Variants in KCNQ1OT1 observed in about 807,000 individuals in gnomAD.
KCNQ1OT1 encodes the protein KCNQ1 antisense RNA 2 (non-protein coding).
rs1441153947 is a variant in KCNQ1OT1 at position 2,676,179 on chromosome 11, T to C, written n.23816A>G. ...TTTTCTACACTTTGCCTTTGACTTC[T>C]TCCATAGGTATGCCATACTTCTTTT... On this transcript the variant is annotated non_coding_transcript_exon_variant, in exon 1 of 1. Coordinates refer to ENST00000597346, the Ensembl canonical transcript of KCNQ1OT1. This position sits in a 1 kb window ranked among gnomAD's most constrained non-coding sequence, Gnocchi z 4.2. The C allele has an allele frequency of 2.5e-6, 1 of 398,588 alleles. No individual in the cohort carries two copies. The highest frequency in any genetic ancestry group is 4.4e-6 in the Non-Finnish European group (1 of 226,080). 24.7% of individuals were successfully genotyped at this position (398,588 alleles called of 1,614,324 possible).
At chr11:2,632,894 C>A (rs1488890385) in exon 1 of KCNQ1OT1, 1 of 398,290 alleles carries the variant, frequency 2.5e-6, no homozygotes, top group African/African-American at 2.1e-5. Context: ...ATGCAAATAT[C>A]TTTTTTATAT....
rs1297771176 is a variant in KCNQ1OT1, at chr11:2,695,405, A to G, written n.4590T>C. 6 of 398,432 alleles carry G rather than the reference A, an allele frequency of 1.5e-5. No homozygotes were observed. In the East Asian group the frequency reaches 2.1e-4, roughly 14 times the overall value. The allele number at this position is 398,432 out of a possible 1,614,324, so 24.7% of individuals were successfully genotyped here. On this transcript the variant is annotated non_coding_transcript_exon_variant, in exon 1 of 1. Transcript: ENST00000597346. The surrounding 1 kb of genome is among the most constrained non-coding windows in gnomAD (Gnocchi z 5.2). ...TGGTGTGTAATTTTAATTTAAATAC[A>G]CAGTCATGTACTGAGGCCCTCTTTC... is the stretch of plus-strand genomic sequence containing the variant.
rs1450996831 is a variant in KCNQ1OT1 at position 2,642,882 on chromosome 11, G to A, written n.57113C>T. The A allele has an allele frequency of 7.5e-6, 3 of 397,616 alleles. No individual in the cohort carries two copies. Among genetic ancestry groups the A allele is most frequent in the Non-Finnish European group, 1.3e-5 (3 of 225,618 alleles). The allele number at this position is 397,616 out of a possible 1,614,324, so 24.6% of individuals were successfully genotyped here. A position where few individuals can be genotyped will look rare whatever the true frequency, so the allele number is the denominator to read the frequency against. ...TGTGCTTCTATTTTCACTTGTTTCAGTAAATTTTTTATTTCTGCCTTAATT... is the reference window on the plus strand; with the variant it reads ...TGTGCTTCTATTTTCACTTGTTTCAATAAATTTTTTATTTCTGCCTTAATT... On this transcript the variant is annotated non_coding_transcript_exon_variant, in exon 1 of 1. Coordinates refer to ENST00000597346, the Ensembl canonical transcript of KCNQ1OT1. This position sits in a 1 kb window ranked among gnomAD's most constrained non-coding sequence, Gnocchi z 4.3.
At chr11:2,646,762 C>T (rs934922012) in exon 1 of KCNQ1OT1, 14 of 398,468 alleles carry the variant, frequency 3.5e-5, no homozygotes, top group South Asian at 2.5e-4. Context: ...GCAATCCACC[C>T]GCCTCATCCT....
chr11:2,666,741 CCAGG>C, exon 1 of KCNQ1OT1: 2 of 398,820 alleles, frequency 5.0e-6, no homozygotes, highest in Admixed American at 8.8e-5. Context: ...CCCCAGGGTA[CCAGG>C]CACTGCAGCT....
Position 2,617,462 on chromosome 11 carries a change from T to C in KCNQ1OT1, n.82533A>G, listed in dbSNP as rs1392007574. ...AGACATACACACCACAGTTTAGTCA[T>C]CCATCAATGGACACGTAAGTTTTCA... is the stretch of plus-strand genomic sequence containing the variant. On this transcript the variant is annotated non_coding_transcript_exon_variant, in exon 1 of 1. Coordinates refer to ENST00000597346, the Ensembl canonical transcript of KCNQ1OT1. This position sits in a 1 kb window ranked among gnomAD's most constrained non-coding sequence, Gnocchi z 4.6. 7.5e-6 allele frequency: 3 copies of C among 398,340 alleles called. No individual in the cohort carries two copies. The highest frequency in any genetic ancestry group is 4.1e-5 in the African/African-American group (2 of 48,608). 24.7% of individuals were successfully genotyped at this position (398,340 alleles called of 1,614,324 possible). A position where few individuals can be genotyped will look rare whatever the true frequency, so the allele number is the denominator to read the frequency against.
Position 2,608,690 on chromosome 11 carries a change from C to T in KCNQ1OT1, n.91305G>A. The T allele has an allele frequency of 5.2e-6, 2 of 381,054 alleles. No homozygotes were observed. Among genetic ancestry groups the T allele is most frequent in the Non-Finnish European group, 8.9e-6 (2 of 225,694 alleles). 23.6% of individuals were successfully genotyped at this position (381,054 alleles called of 1,614,324 possible). A position where few individuals can be genotyped will look rare whatever the true frequency, so the allele number is the denominator to read the frequency against. On this transcript the variant is annotated non_coding_transcript_exon_variant, in exon 1 of 1. Coordinates refer to ENST00000597346, the Ensembl canonical transcript of KCNQ1OT1. The surrounding 1 kb of genome is among the most constrained non-coding windows in gnomAD (Gnocchi z 4.6). ...TGTTGTGCATGCTATTCTTGAACTC[C>T]TGGCCACAAGCAATTCTCGAACTCC... is the stretch of plus-strand genomic sequence containing the variant.
At chr11:2,650,282 G>A in exon 1 of KCNQ1OT1, 1 of 398,488 alleles carries the variant, frequency 2.5e-6, no homozygotes, top group Non-Finnish European at 4.4e-6. Flanking sequence ...TATTATTGGA[G>A]AATTATTGTG....
At chr11:2,672,336 T>C (rs1590022337) in exon 1 of KCNQ1OT1, 1 of 398,536 alleles carries the variant, frequency 2.5e-6, no homozygotes. Flanking sequence ...GTGTGGTGGG[T>C]GCAGAAGCAG....
rs1242182961 is a variant in KCNQ1OT1 at position 2,663,770 on chromosome 11, C to T, written n.36225G>A. 2.5e-6 allele frequency: 1 copy of T among 398,568 alleles called. No individual in the cohort carries two copies. The highest frequency in any genetic ancestry group is 4.4e-6 in the Non-Finnish European group (1 of 226,114). 24.7% of individuals were successfully genotyped at this position (398,568 alleles called of 1,614,324 possible). A position where few individuals can be genotyped will look rare whatever the true frequency, so the allele number is the denominator to read the frequency against. ...ACCAGGCACTTATGTGGATCACAGC[C>T]AAACTTGCAGCTGCCCAGTAAATCA... is the stretch of plus-strand genomic sequence containing the variant. On this transcript the variant is annotated non_coding_transcript_exon_variant, in exon 1 of 1. Coordinates refer to ENST00000597346, the Ensembl canonical transcript of KCNQ1OT1. This position sits in a 1 kb window ranked among gnomAD's most constrained non-coding sequence, Gnocchi z 5.2.
At position 2,652,107 on chromosome 11, in the gene KCNQ1OT1, G is replaced by C; in HGVS notation, n.47888C>G. 1 of 398,698 alleles carries C rather than the reference G, an allele frequency of 2.5e-6. No homozygotes were observed. The highest frequency in any genetic ancestry group is 4.4e-6 in the Non-Finnish European group (1 of 226,138). 24.7% of individuals were successfully genotyped at this position (398,698 alleles called of 1,614,324 possible). Reference sequence around the variant, plus strand: ...GCCTCTCGGCCCCAGTTCTGGCCTGGCTGGGAGGTGGCCTGGGAAGGGACC... The same window carrying C: ...GCCTCTCGGCCCCAGTTCTGGCCTGCCTGGGAGGTGGCCTGGGAAGGGACC... On this transcript the variant is annotated non_coding_transcript_exon_variant, in exon 1 of 1. Transcript: ENST00000597346. This position sits in a 1 kb window ranked among gnomAD's most constrained non-coding sequence, Gnocchi z 5.9.
chr11:2,693,014 T>C (rs1262024674), exon 1 of KCNQ1OT1: 1 of 398,498 alleles, frequency 2.5e-6, no homozygotes, highest in Admixed American at 4.4e-5. Context: ...GCACGCTCAG[T>C]GAAGGAACAG....
chr11:2,632,770 T>G (rs2133818342), exon 1 of KCNQ1OT1: 1 of 398,480 alleles, frequency 2.5e-6, no homozygotes, highest in East Asian at 3.6e-5. Flanking sequence ...TTATTATGAC[T>G]GAATAATATT....
At chr11:2,686,613 G>A (rs1464038498) in exon 1 of KCNQ1OT1, 9 of 398,540 alleles carry the variant, frequency 2.3e-5, no homozygotes, top group African/African-American at 4.1e-5. Flanking sequence ...CTTTTCACAT[G>A]AGCGTGGCTG....
Position 2,684,232 on chromosome 11 carries a change from C to G in KCNQ1OT1, n.15763G>C, listed in dbSNP as rs1590030526. 7.5e-6 allele frequency: 3 copies of G among 398,598 alleles called. No individual in the cohort carries two copies. In the East Asian group the frequency reaches 1.1e-4, roughly 14 times the overall value. 24.7% of individuals were successfully genotyped at this position (398,598 alleles called of 1,614,324 possible). A position where few individuals can be genotyped will look rare whatever the true frequency, so the allele number is the denominator to read the frequency against. ...GACAGGCAGCTGTCTGTTAACTGAC[C>G]CTACCCAGTACCTTCTGGGATTGGA... On this transcript the variant is annotated non_coding_transcript_exon_variant, in exon 1 of 1. Coordinates refer to ENST00000597346, the Ensembl canonical transcript of KCNQ1OT1.
rs1281818765 is a variant in KCNQ1OT1 at position 2,678,699 on chromosome 11, ACT to A, written n.21294_21295del. 1 of 398,372 alleles carries A rather than the reference ACT, an allele frequency of 2.5e-6. No individual in the cohort carries two copies. Among genetic ancestry groups the A allele is most frequent in the East Asian group, 3.6e-5 (1 of 28,086 alleles). The allele number at this position is 398,372 out of a possible 1,614,324, so 24.7% of individuals were successfully genotyped here. The stretch of plus-strand genomic sequence containing the variant: ...TCATGGCATGGCCTAAGATCTAAAC[ACT>A]CTTAAGATTTAAACACAGGATTAGC... On this transcript the variant is annotated non_coding_transcript_exon_variant, in exon 1 of 1. Transcript: ENST00000597346. The surrounding 1 kb of genome is among the most constrained non-coding windows in gnomAD (Gnocchi z 4.9).
chr11:2,691,135 G>C lies in KCNQ1OT1; in HGVS notation n.8860C>G. On this transcript the variant is annotated non_coding_transcript_exon_variant, in exon 1 of 1. Coordinates refer to ENST00000597346, the Ensembl canonical transcript of KCNQ1OT1. This position sits in a 1 kb window ranked among gnomAD's most constrained non-coding sequence, Gnocchi z 6.4. Reference sequence around the variant, plus strand: ...GTGGAGGCTGTGCAGACCTGGTGCAGAGTCTGTGCTGGCCTCTGGCCTCTC... The same window carrying C: ...GTGGAGGCTGTGCAGACCTGGTGCACAGTCTGTGCTGGCCTCTGGCCTCTC... 2.5e-6 allele frequency: 1 copy of C among 398,686 alleles called. No individual in the cohort carries two copies. The highest frequency in any genetic ancestry group is 4.4e-6 in the Non-Finnish European group (1 of 226,102). 24.7% of individuals were successfully genotyped at this position (398,686 alleles called of 1,614,324 possible).
exon 1 of KCNQ1OT1, chr11:2,662,667 T>A (rs554997337): frequency 2.5e-6 from 1 of 405,664 alleles, no homozygotes; most frequent in African/African-American, 2.0e-5. Flanking sequence ...GACATGTGAC[T>A]CCCCGCTGGG....
chr11:2,620,503 ACCG>A lies in KCNQ1OT1; in HGVS notation n.79489_79491del, dbSNP rs1381157977. The A allele has an allele frequency of 8.0e-6, 3 of 372,986 alleles. No homozygotes were observed. The East Asian group carries it at 1.2e-4, about 14-fold the overall frequency. The allele number at this position is 372,986 out of a possible 1,614,324, so 23.1% of individuals were successfully genotyped here. Reference sequence around the variant, plus strand: ...AGTGCTGGGATTACAGGTGAGAGCTACCGCACCTGGCCGAATTCATTCATTTTT... The same window carrying A: ...AGTGCTGGGATTACAGGTGAGAGCTACACCTGGCCGAATTCATTCATTTTT... On this transcript the variant is annotated non_coding_transcript_exon_variant, in exon 1 of 1. Coordinates refer to ENST00000597346, the Ensembl canonical transcript of KCNQ1OT1. The surrounding 1 kb of genome is among the most constrained non-coding windows in gnomAD (Gnocchi z 4.5).
Sources: allele counts gnomAD v4.1 joint callset, GRCh38; gene constraint gnomAD v4.1.1; non-coding constraint Gnocchi (gnomAD v3.1); transcripts MANE v1.5; gene names NCBI Gene and HGNC (gene_info 2026-07-23, HGNC 2026-07-21).